The following ARFGEF3 variants were observed in gnomAD, a reference collection of about 807,000 sequenced individuals.
The protein encoded by ARFGEF3 is brefeldin A-inhibited guanine nucleotide-exchange protein 3.
Under a neutral mutation model 221.7 loss-of-function variants are expected in ARFGEF3, and 96 were observed. That is an observed-to-expected ratio of 0.43 (90% CI 0.37 to 0.51). The LOEUF (loss-of-function observed/expected upper bound fraction) is 0.51, where lower values mean the gene tolerates loss of function less well. ARFGEF3 is among the 20% of genes least tolerant of loss of function. The pLI is 0.00. For missense variants in ARFGEF3, 2,410 were observed against 2,789.9 expected, an observed-to-expected ratio of 0.86 and a Z score of 3.07; for synonymous variants, 1,145 against 1,126.8, an observed-to-expected ratio of 1.02 and a Z score of -0.32.
intron 4 of ARFGEF3, chr6:138,217,984 G>A: frequency 1.9e-6 from 3 of 1,600,116 alleles, no homozygotes; most frequent in African/African-American, 1.3e-5. Flanking sequence ...GCAGGGCTGA[G>A]AGTTTATATG....
intron 31 of ARFGEF3, among the ~76,000 whole-genome samples, chr6:138,326,996 C>T (rs1780138043): frequency 1.3e-5 from 2 of 152,158 alleles, no homozygotes; most frequent in South Asian, 2.1e-4. Flanking sequence ...CAAACTAACG[C>T]AGGGACAGAA....
Position 138,286,853 on chromosome 6 carries a change from C to A in ARFGEF3, c.2722C>A (p.Arg908=), listed in dbSNP as rs763602394. Residue 908 remains arginine (R), a synonymous_variant, in exon 16 of 34, where the codon CGG becomes AGG. Transcript: ENST00000251691. The part of the protein sequence containing the change: ...EGIKEQNQKE[R]DAICMSLDGL... The stretch of plus-strand genomic sequence containing the variant: ...CATCAAAGAGCAGAACCAGAAGGAG[C>A]GGGACGCCATCTGCATGAGCCTCGA... 6.2e-7 allele frequency: 1 copy of A among 1,613,786 alleles called. No homozygotes were observed. The highest frequency in any genetic ancestry group is 1.3e-5 in the African/African-American group (1 of 74,930).
chr6:138,328,041 G>C lies in ARFGEF3; in HGVS notation c.5022G>C (p.Gln1674His), dbSNP rs775675112. Residue 1674 changes from glutamine (Q) to histidine (H), a missense_variant, in exon 32 of 34, where the codon CAG (glutamine) becomes CAC (histidine). Physicochemically the swap from Gln to His is conservative, Grantham distance 24. Around this residue, in one of 5 missense-constraint regions of ARFGEF3, gnomAD observed 723 missense variants for 991.9 expected, o/e 0.73. Coordinates refer to ENST00000251691, the MANE Select transcript of ARFGEF3 (RefSeq NM_020340.5). ...MAQQVFMLDT[Q>H]CSPKTPNNFD... is the part of the protein sequence containing the mutation. The stretch of plus-strand genomic sequence containing the variant: ...TACAGGTGTTTATGCTGGACACCCA[G>C]TGCTCACCAAAGACACCAAACAACT... 8 of 1,553,978 alleles carry C rather than the reference G, an allele frequency of 5.1e-6. No homozygotes were observed. Among genetic ancestry groups the C allele is most frequent in the African/African-American group, 1.4e-5 (1 of 73,182 alleles).
rs571790398 is a variant in ARFGEF3, at chr6:138,306,837, C to T, written c.3829-416C>T. ...AGAAAAATGGATGAAATGGACTTCA[C>T]CAAAATTAAGAACTTTTAATCTTGA... On this transcript the variant is annotated intron_variant, in intron 22 of 33. Transcript: ENST00000251691. Among the ~76,000 whole-genome samples the T allele has an allele frequency of 7.5e-4, 112 of 150,246 alleles. 2 individuals carry two copies. Among genetic ancestry groups the T allele is most frequent in the Admixed American group, 3.9e-3 (59 of 15,020 alleles).
chr6:138,175,237 T>C lies in ARFGEF3; in HGVS notation c.137+4524T>C, dbSNP rs978590364. On this transcript the variant is annotated intron_variant, in intron 2 of 33. Transcript: ENST00000251691. ...GGTCCAGGGAATATGTACTATGGAA[T>C]ATTTCATGACTTTATTAGTGGCTAG... Among the ~76,000 whole-genome samples the C allele has an allele frequency of 5.9e-5, 9 of 152,314 alleles. 1 individual carries two copies. Among genetic ancestry groups the C allele is most frequent in the Admixed American group, 2.6e-4 (4 of 15,298 alleles).
At position 138,186,902 on chromosome 6, in the gene ARFGEF3, CTTTTTTTTTTTTTTTTTTT is replaced by C. The variant is rs71693484; in HGVS notation, c.137+16201_137+16219del. Reference sequence around the variant, plus strand: ...ACGAGTTATTCCTCTCATCCTTTTTCTTTTTTTTTTTTTTTTTTTTTTTTTTTTTTGAGACAGAGTTTCA... The same window carrying C: ...ACGAGTTATTCCTCTCATCCTTTTTCTTTTTTTTTTTGAGACAGAGTTTCA... On this transcript the variant is annotated intron_variant, in intron 2 of 33. Coordinates refer to ENST00000251691, the MANE Select transcript of ARFGEF3 (RefSeq NM_020340.5). Among the ~76,000 whole-genome samples, 4 of 76,006 alleles carry C rather than the reference CTTTTTTTTTTTTTTTTTTT, an allele frequency of 5.3e-5. No individual in the cohort carries two copies. In the Admixed American group the frequency reaches 8.1e-4, roughly 15 times the overall value. The allele number at this position is 76,006 out of a possible 152,430, so 49.9% of individuals were successfully genotyped here. A position where few individuals can be genotyped will look rare whatever the true frequency, so the allele number is the denominator to read the frequency against.
Position 138,263,059 on chromosome 6 carries a change from G to A in ARFGEF3, c.1576G>A (p.Glu526Lys), listed in dbSNP as rs542995422. Residue 526 changes from glutamate (E) to lysine (K), a missense_variant, in exon 12 of 34, where the codon GAG (glutamate) becomes AAG (lysine). This residue lies in a region of ARFGEF3 where 594 missense variants were observed against 734.3 expected (regional missense o/e 0.81). Coordinates refer to ENST00000251691, the MANE Select transcript of ARFGEF3 (RefSeq NM_020340.5). The part of the protein sequence containing the change: ...LEGELGQTTP[E>K]DHSGNHKNSL... The stretch of plus-strand genomic sequence containing the variant: ...GGGAGAGTTGGGTCAGACTACACCC[G>A]AGGACCATTCGGGAAACCACAAGAA... 18 of 1,613,038 alleles carry A rather than the reference G, an allele frequency of 1.1e-5. No individual in the cohort carries two copies. The highest frequency in any genetic ancestry group is 1.1e-4 in the East Asian group (5 of 44,834).
intron 18 of ARFGEF3, 108 bp downstream of exon 18, chr6:138,290,076 A>T: frequency 9.6e-7 from 1 of 1,043,686 alleles, no homozygotes; most frequent in Non-Finnish European, 1.4e-6. Flanking sequence ...CCAGCATGTA[A>T]ATCAATTATA....
rs992272764 is a variant in ARFGEF3 at position 138,342,633 on chromosome 6, A to G, written c.*6147A>G. 52 of 152,288 alleles carry G rather than the reference A, an allele frequency of 3.4e-4. No homozygotes were observed. The highest frequency in any genetic ancestry group is 1.2e-3 in the African/African-American group (50 of 41,552). The allele number at this position is 152,288 out of a possible 1,614,324, so 9.4% of individuals were successfully genotyped here. On this transcript the variant is annotated 3_prime_UTR_variant, in exon 34 of 34. Transcript: ENST00000251691. ...ACTGAAGGTGATTTTAAATTTAAGT[A>G]TGTAGTGTTTGAATTTCTTCCATCC...
Position 138,321,637 on chromosome 6 carries a change from A to G in ARFGEF3, c.4766+412A>G, listed in dbSNP as rs564184223. Among the ~76,000 whole-genome samples, 14 of 152,360 alleles carry G rather than the reference A, an allele frequency of 9.2e-5. No homozygotes were observed. The South Asian group carries it at 2.7e-3, about 29-fold the overall frequency. On this transcript the variant is annotated intron_variant, in intron 29 of 33. Transcript: ENST00000251691. Reference sequence around the variant, plus strand: ...GAACCCTCGTACACTGTTGGTGGGAATGTAAATTAGTACAACCACTATGGA... The same window carrying G: ...GAACCCTCGTACACTGTTGGTGGGAGTGTAAATTAGTACAACCACTATGGA...
At chr6:138,302,317 C>G (rs1779641517) in intron 22 of ARFGEF3, among the ~76,000 whole-genome samples, 1 of 152,070 alleles carries the variant, frequency 6.6e-6, no homozygotes, top group African/African-American at 2.4e-5. Context: ...GAAAAATTAG[C>G]TATACGGGCT....
rs77751185 is a variant in ARFGEF3, at chr6:138,301,647, C to G, written c.3828+2862C>G. On this transcript the variant is annotated intron_variant, in intron 22 of 33. Coordinates refer to ENST00000251691, the MANE Select transcript of ARFGEF3 (RefSeq NM_020340.5). ...AGAGGGACCAGATAGTCTGTTCACA[C>G]ATCCCTGGATGACTGAAACATGGGC... Among the ~76,000 whole-genome samples the G allele has an allele frequency of 8.3e-3, 1,263 of 152,332 alleles. 24 individuals carry two copies. Among genetic ancestry groups the G allele is most frequent in the African/African-American group, 0.03 (1,234 of 41,570 alleles).
intron 31 of ARFGEF3, among the ~76,000 whole-genome samples, chr6:138,327,693 T>C (rs1780150997): frequency 6.6e-6 from 1 of 152,096 alleles, no homozygotes; most frequent in South Asian, 2.1e-4. Context: ...AGATAATCTT[T>C]TACAAAGCCC....
intron 8 of ARFGEF3, 106 bp downstream of exon 8, chr6:138,245,697 A>C: frequency 1.2e-6 from 1 of 860,172 alleles, no homozygotes; most frequent in Non-Finnish European, 1.9e-6. Flanking sequence ...TTATAGGGAC[A>C]ATAGTTTCCC....
rs766141683 is a variant in ARFGEF3, at chr6:138,335,010, G to A, written c.6164G>A (p.Gly2055Asp). 2.5e-6 allele frequency: 4 copies of A among 1,589,020 alleles called. No individual in the cohort carries two copies. The East Asian group carries it at 9.2e-5, about 37-fold the overall frequency. Reference sequence around the variant, plus strand: ...GTGGAGAAGAAAGGAGAGCCACTGGGTCCCAGGGGCCAGGACTCCCCGCTG... The same window carrying A: ...GTGGAGAAGAAAGGAGAGCCACTGGATCCCAGGGGCCAGGACTCCCCGCTG... ...VKVEKKGEPL[G>D]PRGQDSPLLQ... Residue 2055 changes from glycine (G) to aspartate (D), a missense_variant, in exon 33 of 34, where the codon GGT (glycine) becomes GAT (aspartate). Physicochemically the swap from Gly to Asp is moderately conservative, Grantham distance 94. This residue lies in a region of ARFGEF3 where 339 missense variants were observed against 334.9 expected (regional missense o/e 1.01). Transcript: ENST00000251691.
chr6:138,320,938 G>C (rs942338970), intron 28 of ARFGEF3, among the ~76,000 whole-genome samples, 173 bp from the exon 29 acceptor site: 4 of 26,090 alleles, frequency 1.5e-4, no homozygotes, highest in African/African-American at 4.3e-4. Context: ...GTTTTACTGG[G>C]TTTTGGCGGG....
chr6:138,271,761 C>G (rs1317759584), intron 12 of ARFGEF3, among the ~76,000 whole-genome samples: 1 of 152,138 alleles, frequency 6.6e-6, no homozygotes, highest in Non-Finnish European at 1.5e-5. Context: ...GTTGCCATGT[C>G]CCTTGTGTCT....
chr6:138,250,895 G>A (rs529023577), intron 8 of ARFGEF3, among the ~76,000 whole-genome samples: 1 of 152,182 alleles, frequency 6.6e-6, no homozygotes, highest in East Asian at 1.9e-4. Flanking sequence ...CTGGTTTCTA[G>A]GTTACTTTTT....
chr6:138,212,701 A>T (rs1777754695), intron 4 of ARFGEF3, among the ~76,000 whole-genome samples: 1 of 152,254 alleles, frequency 6.6e-6, no homozygotes, highest in Non-Finnish European at 1.5e-5. Context: ...CAGCCATAAA[A>T]AAGGATGAGT....
Sources: gnomAD v4.1 joint callset for allele counts (sites outside exome capture counted in the v4.1 genomes callset) on GRCh38, gnomAD v4.1.1 for gene constraint, gnomAD v4.1.1 regional missense constraint, MANE v1.5 for transcripts, NCBI Gene and HGNC (gene_info 2026-07-23, HGNC 2026-07-21) for gene names.